Variants in PPIL3 observed in about 807,000 individuals in gnomAD.
PPIL3 encodes the protein peptidylprolyl isomerase like 3, also known as peptidyl-prolyl cis-trans isomerase-like 3.
PPIL3 carries 13 observed loss-of-function variants against 20.9 expected under a neutral mutation model. That is an observed-to-expected ratio of 0.62 (90% CI 0.40 to 0.99). The LOEUF is 0.99. Ranked by LOEUF, PPIL3 falls within the 50% of genes least tolerant of loss-of-function variation. The probability of loss-of-function intolerance (pLI) is 0.00; values close to 1 mark genes in which losing one functional copy is unlikely to be tolerated. For missense variants in PPIL3, 170 were observed against 195.2 expected, an observed-to-expected ratio of 0.87 and a Z score of 0.77; for synonymous variants, 71 against 64.4, an observed-to-expected ratio of 1.10 and a Z score of -0.49.
chr2:200,875,191 G>A (rs2039463966), intron 6 of PPIL3, among the ~76,000 whole-genome samples: 3 of 152,282 alleles, frequency 2.0e-5, no homozygotes, highest in African/African-American at 7.2e-5. Flanking sequence ...TAGTAAGGGT[G>A]GCAATGTGGC....
rs1015520384 is a variant in PPIL3 at position 200,881,469 on chromosome 2, G to A, written c.192C>T (p.Asn64=). The change falls in exon 5 of 7, where the codon AAC becomes AAT. Residue 64 remains asparagine (N), a synonymous_variant. Transcript: ENST00000392283. Reference sequence around the variant, plus strand: ...CCTCAAACTTCTTGCCCCAAATACTGTTGCCTCCTCTTCCAGTTCCTACAT... The same window carrying A: ...CCTCAAACTTCTTGCCCCAAATACTATTGCCTCCTCTTCCAGTTCCTACAT... ...GDPTGTGRGG[N]SIWGKKFEDE... is the part of the protein sequence containing the mutation. 6.2e-7 allele frequency: 1 copy of A among 1,612,934 alleles called. No homozygotes were observed. The highest frequency in any genetic ancestry group is 8.5e-7 in the Non-Finnish European group (1 of 1,179,466).
At chr2:200,884,228 C>A (rs1454468173) in intron 3 of PPIL3, among the ~76,000 whole-genome samples, 3 of 151,952 alleles carry the variant, frequency 2.0e-5, no homozygotes, top group Non-Finnish European at 2.9e-5. Context: ...CATGGTGAAA[C>A]CCCATCTCTA....
At chr2:200,871,976 G>A (rs1337889954) in intron 6 of PPIL3, among the ~76,000 whole-genome samples, 1 of 151,970 alleles carries the variant, frequency 6.6e-6, no homozygotes, top group African/African-American at 2.4e-5. Context: ...GGATCTCACT[G>A]GGACTACAAA....
chr2:200,888,636 G>A (rs757436666), intron 1 of PPIL3: 3 of 223,418 alleles, frequency 1.3e-5, no homozygotes, highest in East Asian at 1.3e-4. Flanking sequence ...AGTGATTGTC[G>A]TGTCTCAGCC....
At chr2:200,882,545 T>C in intron 3 of PPIL3, 110 bp from the exon 4 acceptor site, 1 of 733,762 alleles carries the variant, frequency 1.4e-6, no homozygotes, top group Non-Finnish European at 2.5e-6. Flanking sequence ...ACTATGACTG[T>C]TGTCATTACT....
At position 200,882,378 on chromosome 2, in the gene PPIL3, T is replaced by C. The variant is rs114224503; in HGVS notation, c.136A>G (p.Ile46Val). 2.2e-4 allele frequency: 347 copies of C among 1,607,958 alleles called. No homozygotes were observed. The highest frequency in any genetic ancestry group is 2.7e-4 in the Non-Finnish European group (316 of 1,174,348). The change falls in exon 4 of 7, where the codon ATC (isoleucine) becomes GTC (valine). Residue 46 changes from isoleucine (I) to valine (V), a missense_variant. Physicochemically the swap from Ile to Val is conservative, Grantham distance 29. Transcript: ENST00000392283. Reference sequence around the variant, plus strand: ...CCTGTTTGAACCATGAAACCCTTGATATTCCTATGAAATATACAGCCATTG... The same window carrying C: ...CCTGTTTGAACCATGAAACCCTTGACATTCCTATGAAATATACAGCCATTG... ...YYNGCIFHRN[I>V]KGFMVQTGDP... is the part of the protein sequence containing the mutation.
In PPIL3 at chr2:200,881,829, T is replaced by C. The variant is rs893767852; in HGVS notation, c.173-341A>G. On this transcript the variant is annotated intron_variant, in intron 4 of 6. Coordinates refer to ENST00000392283, the MANE Select transcript of PPIL3 (RefSeq NM_130906.3). ...TGCTGCCAAAGTGAGCACAATATTG[T>C]TCACATTTTAGGGGTAGGTGCTAAT... The C allele has an allele frequency of 2.4e-5, 6 of 250,644 alleles. No homozygotes were observed. In the Admixed American group the frequency reaches 3.1e-4, roughly 13 times the overall value. The allele number at this position is 250,644 out of a possible 1,614,324, so 15.5% of individuals were successfully genotyped here.
At chr2:200,884,677 C>T (rs2124827567) in intron 3 of PPIL3, among the ~76,000 whole-genome samples, 1 of 151,444 alleles carries the variant, frequency 6.6e-6, no homozygotes, top group Non-Finnish European at 1.5e-5. Context: ...GAGGTTGAGG[C>T]TGCAATGAGC....
At position 200,871,517 on chromosome 2, in the gene PPIL3, T is replaced by C; in HGVS notation, c.364A>G (p.Ile122Val). 1 of 1,611,234 alleles carries C rather than the reference T, an allele frequency of 6.2e-7. No individual in the cohort carries two copies. The highest frequency in any genetic ancestry group is 8.5e-7 in the Non-Finnish European group (1 of 1,178,652). Residue 122 changes from isoleucine (I) to valine (V), a missense_variant, in exon 7 of 7, where the codon ATA (isoleucine) becomes GTA (valine). Transcript: ENST00000392283. The part of the protein sequence containing the change: ...DMKYTVFGKV[I>V]DGLETLDELE... ...TCATCTAGAGTTTCCAGACCATCTA[T>C]TACCCTGAAAGAGAAACAACATAAC...
chr2:200,881,843 G>A (rs2039741040), intron 4 of PPIL3: 3 of 238,350 alleles, frequency 1.3e-5, no homozygotes, highest in Admixed American at 1.0e-4. Context: ...CATTTTAGGG[G>A]TAGGTGCTAA....
At chr2:200,887,485 A>G (rs917047574) in intron 2 of PPIL3, 128 bp downstream of exon 2, 1 of 498,202 alleles carries the variant, frequency 2.0e-6, no homozygotes, top group African/African-American at 2.0e-5. Context: ...TTCCATATTA[A>G]GTGCTTCTAT....
intron 6 of PPIL3, among the ~76,000 whole-genome samples, chr2:200,872,309 C>T (rs1035011702): frequency 3.3e-5 from 5 of 152,036 alleles, no homozygotes; most frequent in African/African-American, 9.7e-5. Context: ...AGGGGCACAG[C>T]GCTTCCATGC....
In PPIL3 at chr2:200,871,241, G is replaced by T; in HGVS notation, c.*154C>A. On this transcript the variant is annotated 3_prime_UTR_variant, in exon 7 of 7. Coordinates refer to ENST00000392283, the MANE Select transcript of PPIL3 (RefSeq NM_130906.3). ...ATATGCTCTAAGAATGGGGATAAAA[G>T]CTGTTGGGCGCCCCTTGGTACCACC... 1 of 600,634 alleles carries T rather than the reference G, an allele frequency of 1.7e-6. No individual in the cohort carries two copies. The highest frequency in any genetic ancestry group is 2.8e-6 in the Non-Finnish European group (1 of 363,202). The allele number at this position is 600,634 out of a possible 1,614,324, so 37.2% of individuals were successfully genotyped here.
intron 5 of PPIL3, among the ~76,000 whole-genome samples, chr2:200,880,457 C>T (rs1404918886): frequency 2.1e-5 from 3 of 140,490 alleles, no homozygotes; most frequent in African/African-American, 8.6e-5. Context: ...GATCTTGGCT[C>T]ACTGCAGCCT....
intron 3 of PPIL3, among the ~76,000 whole-genome samples, chr2:200,884,404 A>C (rs139580051): frequency 0.011 from 1,731 of 151,836 alleles, 16 homozygotes; most frequent in Non-Finnish European, 0.017. Context: ...CTCTGTCTCA[A>C]AATAAATAAA....
At chr2:200,889,259 C>T, upstream of PPIL3, 1 of 344,544 alleles carries the variant, frequency 2.9e-6, no homozygotes, top group South Asian at 2.2e-5. Flanking sequence ...CAACCTCAAG[C>T]AATGCTTTAC....
At chr2:200,877,772 T>A (rs1490033311) in intron 5 of PPIL3, among the ~76,000 whole-genome samples, 1 of 152,166 alleles carries the variant, frequency 6.6e-6, no homozygotes, top group African/African-American at 2.4e-5. Context: ...AAATATATAT[T>A]TTTTAACTAA....
Position 200,871,199 on chromosome 2 carries a change from A to G in PPIL3, c.*196T>C, listed in dbSNP as rs1389841336. The G allele has an allele frequency of 1.2e-5, 5 of 421,754 alleles. No homozygotes were observed. The highest frequency in any genetic ancestry group is 8.1e-5 in the African/African-American group (4 of 49,224). 26.1% of individuals were successfully genotyped at this position (421,754 alleles called of 1,614,324 possible). A position where few individuals can be genotyped will look rare whatever the true frequency, so the allele number is the denominator to read the frequency against. On this transcript the variant is annotated 3_prime_UTR_variant, in exon 7 of 7. Transcript: ENST00000392283. ...TTAAAATTAAAGAAATATGTTGGAT[A>G]ATCATTATAATAAAGAATATGCTCT...
intron 6 of PPIL3, among the ~76,000 whole-genome samples, chr2:200,873,981 G>A (rs13399576): frequency 5.3e-5 from 8 of 151,454 alleles, no homozygotes; most frequent in African/African-American, 9.7e-5. Context: ...CAAGGCGGGC[G>A]GATCACGAGG....
Sources: allele counts gnomAD v4.1 joint callset (sites outside exome capture counted in the v4.1 genomes callset), GRCh38; gene constraint gnomAD v4.1.1; transcripts MANE v1.5; gene names NCBI Gene and HGNC (gene_info 2026-07-23, HGNC 2026-07-21).